Variants in RIMS2 observed in about 807,000 individuals in gnomAD.
RIMS2 encodes the protein regulating synaptic membrane exocytosis protein 2.
RIMS2 carries 59 observed loss-of-function variants against 174.4 expected under a neutral mutation model. The ratio of observed to expected loss-of-function variants is 0.34; its 90% CI spans 0.27 to 0.42. The LOEUF is 0.42. Among genes scored for constraint, RIMS2 ranks in the 10% least tolerant of loss-of-function variants. The probability of loss-of-function intolerance (pLI) is 1.00; values close to 1 mark genes in which losing one functional copy is unlikely to be tolerated. For synonymous variants in RIMS2, 606 were observed against 572.5 expected (o/e 1.06, Z -0.84); for missense variants, 1,620 against 1,666.3 (o/e 0.97, Z 0.48).
At chr8:104,090,153 G>A (rs1377933008) in intron 19 of RIMS2, among the ~76,000 whole-genome samples, 2 of 151,716 alleles carry the variant, frequency 1.3e-5, no homozygotes, top group Non-Finnish European at 3.0e-5. Flanking sequence ...ATAGGGCTGT[G>A]TGTGAATAAA....
At chr8:103,639,400 T>C (rs937515105) in intron 1 of RIMS2, among the ~76,000 whole-genome samples, 1 of 151,922 alleles carries the variant, frequency 6.6e-6, no homozygotes, top group Non-Finnish European at 1.5e-5. Flanking sequence ...AGCAACACTA[T>C]AGAATAGTTT....
chr8:103,743,546 G>T (rs568180736), intron 2 of RIMS2, among the ~76,000 whole-genome samples: 5 of 118,600 alleles, frequency 4.2e-5, no homozygotes, highest in South Asian at 2.7e-4. Flanking sequence ...TTGTCATATC[G>T]TATAATTAGC....
chr8:104,039,155 T>G lies in RIMS2; in HGVS notation c.3334+24540T>G, dbSNP rs921005958. Among the ~76,000 whole-genome samples, 5 of 151,952 alleles carry G rather than the reference T, an allele frequency of 3.3e-5. No individual in the cohort carries two copies. The East Asian group carries it at 9.6e-4, about 29-fold the overall frequency. On this transcript the variant is annotated intron_variant, in intron 19 of 23. Transcript: ENST00000504942. ...TAGAATGTGCCACTTTGAAAAAAAC[T>G]GTTTCCAATTAAATACTATATAATA...
intron 19 of RIMS2, among the ~76,000 whole-genome samples, chr8:104,208,850 TA>T (rs2099092829): frequency 6.6e-6 from 1 of 152,202 alleles, no homozygotes; most frequent in Non-Finnish European, 1.5e-5. Flanking sequence ...TAGACACTTT[TA>T]AATGGACCCG....
chr8:103,621,903 G>A (rs1235417199), intron 1 of RIMS2, among the ~76,000 whole-genome samples: 1 of 152,164 alleles, frequency 6.6e-6, no homozygotes, highest in Non-Finnish European at 1.5e-5. Context: ...CTAAGTGATA[G>A]AATATGAGTA....
At chr8:104,139,809 G>A (rs2098551627) in intron 19 of RIMS2, among the ~76,000 whole-genome samples, 1 of 152,094 alleles carries the variant, frequency 6.6e-6, no homozygotes. Flanking sequence ...TTGAATAATA[G>A]TGGTGAAAAT....
intron 3 of RIMS2, among the ~76,000 whole-genome samples, chr8:103,858,558 T>A (rs2099040415): frequency 6.6e-6 from 1 of 151,802 alleles, no homozygotes; most frequent in South Asian, 2.1e-4. Context: ...CTGAATAGTA[T>A]AGGAAAACTT....
At chr8:103,625,203 T>C (rs2095752627) in intron 1 of RIMS2, among the ~76,000 whole-genome samples, 1 of 151,928 alleles carries the variant, frequency 6.6e-6, no homozygotes, top group South Asian at 2.1e-4. Flanking sequence ...TATTATACTT[T>C]AAGTTCTAGG....
At chr8:103,539,327 G>A (rs1389103063) in intron 1 of RIMS2, among the ~76,000 whole-genome samples, 1 of 151,870 alleles carries the variant, frequency 6.6e-6, no homozygotes, top group Non-Finnish European at 1.5e-5. Flanking sequence ...ACACCACCAA[G>A]ATGGCAGAGT....
intron 2 of RIMS2, among the ~76,000 whole-genome samples, chr8:103,739,773 T>C (rs1406850647): frequency 1.3e-5 from 2 of 152,208 alleles, no homozygotes; most frequent in African/African-American, 4.8e-5. Flanking sequence ...TTCTTCAGTG[T>C]GCATTCCAAG....
intron 19 of RIMS2, among the ~76,000 whole-genome samples, chr8:104,110,442 A>G (rs534895684): frequency 6.6e-6 from 1 of 152,326 alleles, no homozygotes; most frequent in South Asian, 2.1e-4. Context: ...TAGCTTAAGA[A>G]CATATTTGAG....
chr8:103,617,507 A>T (rs1268925792), intron 1 of RIMS2, among the ~76,000 whole-genome samples: 1 of 150,590 alleles, frequency 6.6e-6, no homozygotes, highest in African/African-American at 2.4e-5. Context: ...AGAAATTGAC[A>T]TGTGATCTAA....
intron 17 of RIMS2, among the ~76,000 whole-genome samples, chr8:104,012,385 T>G (rs2154553747): frequency 6.6e-6 from 1 of 151,724 alleles, no homozygotes. Flanking sequence ...CTTGCACTTT[T>G]CATTATCCAA....
intron 11 of RIMS2, among the ~76,000 whole-genome samples, chr8:103,930,047 T>A (rs763861386): frequency 6.6e-6 from 1 of 152,024 alleles, no homozygotes; most frequent in Non-Finnish European, 1.5e-5. Flanking sequence ...CATGGAAAGT[T>A]TATTAATCAC....
At chr8:103,949,124 CAAAAAAAAAA>C (rs533642917) in intron 14 of RIMS2, among the ~76,000 whole-genome samples, 1 of 44,098 alleles carries the variant, frequency 2.3e-5, no homozygotes, top group Non-Finnish European at 4.4e-5. Context: ...GAGACTCTGT[CAAAAAAAAAA>C]AAAAAAAAAA....
chr8:103,642,483 ATCCTTATTTTT>A (rs1220564381), intron 1 of RIMS2, among the ~76,000 whole-genome samples: 9 of 152,084 alleles, frequency 5.9e-5, no homozygotes, highest in African/African-American at 2.2e-4. Flanking sequence ...GTTTTATTTT[ATCCTTATTTTT>A]TCCTTCCCTA....
At chr8:103,594,527 A>G (rs1362817691) in intron 1 of RIMS2, among the ~76,000 whole-genome samples, 1 of 151,692 alleles carries the variant, frequency 6.6e-6, no homozygotes, top group South Asian at 2.1e-4. Context: ...TTAGGAAGCT[A>G]ACCCTATATA....
intron 15 of RIMS2, among the ~76,000 whole-genome samples, chr8:103,971,052 G>C (rs924772609): frequency 5.3e-5 from 8 of 152,074 alleles, no homozygotes; most frequent in Non-Finnish European, 8.8e-5. Context: ...AACAGGAATG[G>C]GAATGGTTAT....
At chr8:103,568,568 C>T (rs1279191764) in intron 1 of RIMS2, 4 of 490,074 alleles carry the variant, frequency 8.2e-6, no homozygotes, top group Non-Finnish European at 1.6e-5. Context: ...AAGAGACTGG[C>T]CATGGGTACT....
Sources: allele counts gnomAD v4.1 joint callset (sites outside exome capture counted in the v4.1 genomes callset), GRCh38; gene constraint gnomAD v4.1.1; transcripts MANE v1.5; gene names NCBI Gene and HGNC (gene_info 2026-07-23, HGNC 2026-07-21).